The following RIGI variants were observed in gnomAD, a reference collection of about 807,000 sequenced individuals.
RIGI encodes RNA sensor RIG-I.
At chr9:32,461,046 A>G in the RIGI span, among the ~76,000 whole-genome samples, 1 of 3,892 alleles carries the variant, frequency 2.6e-4, no homozygotes, top group Admixed American at 2.3e-3. Flanking sequence ...AGCAGCCAGA[A>G]AAAAAAAAAA....
the RIGI span, among the ~76,000 whole-genome samples, chr9:32,475,619 AAAAG>A: frequency 9.2e-5 from 14 of 152,322 alleles, no homozygotes; most frequent in Admixed American, 3.3e-4. Context: ...AAAGAAAAAA[AAAAG>A]AAAGCATCTC....
chr9:32,499,161 T>G, the RIGI span, among the ~76,000 whole-genome samples: 6 of 151,988 alleles, frequency 3.9e-5, no homozygotes, highest in Non-Finnish European at 7.4e-5. Context: ...CTTTTCATTC[T>G]TCGTATTCAT....
chr9:32,510,207 G>A, the RIGI span, among the ~76,000 whole-genome samples: 3 of 152,080 alleles, frequency 2.0e-5, no homozygotes, highest in African/African-American at 7.2e-5. Flanking sequence ...TAGCAATACA[G>A]GCCAACATTC....
chr9:32,475,143 G>C, the RIGI span, among the ~76,000 whole-genome samples: 29 of 151,986 alleles, frequency 1.9e-4, no homozygotes, highest in African/African-American at 6.8e-4. Flanking sequence ...GTAGAGACAG[G>C]GTTTCACCAT....
the RIGI span, chr9:32,480,307 A>G: frequency 6.2e-7 from 1 of 1,609,886 alleles, no homozygotes; most frequent in South Asian, 1.1e-5. Flanking sequence ...AATCCAGAGC[A>G]TCTTTCATTC....
chr9:32,521,863 T>C, the RIGI span, among the ~76,000 whole-genome samples: 3 of 152,212 alleles, frequency 2.0e-5, no homozygotes, highest in Non-Finnish European at 4.4e-5. Flanking sequence ...AAAAATTTCC[T>C]TGTCAACTGT....
chr9:32,481,689 G>A, the RIGI span, among the ~76,000 whole-genome samples: 1 of 151,976 alleles, frequency 6.6e-6, no homozygotes, highest in African/African-American at 2.4e-5. Context: ...GGATTCAAGC[G>A]ATTCTCCTGC....
chr9:32,490,836 C>A, the RIGI span, among the ~76,000 whole-genome samples: 1 of 152,202 alleles, frequency 6.6e-6, no homozygotes, highest in Non-Finnish European at 1.5e-5. Context: ...ACGACACAGG[C>A]TGGATCTCAG....
chr9:32,486,106 G>A, the RIGI span, among the ~76,000 whole-genome samples: 1 of 152,138 alleles, frequency 6.6e-6, no homozygotes, highest in Non-Finnish European at 1.5e-5. Flanking sequence ...GTGATCTTAA[G>A]GGAGAGAAAT....
At chr9:32,499,314 TTG>T in the RIGI span, among the ~76,000 whole-genome samples, 506 of 58,304 alleles carry the variant, frequency 8.7e-3, 14 homozygotes, top group South Asian at 0.018. Flanking sequence ...AGTTTGTGAT[TTG>T]TTTTTTTTTT....
chr9:32,501,506 A>G, the RIGI span, among the ~76,000 whole-genome samples: 7 of 152,162 alleles, frequency 4.6e-5, no homozygotes, highest in African/African-American at 1.7e-4. Flanking sequence ...ACTTGTCTTG[A>G]AATAGGACAA....
chr9:32,485,788 C>T, the RIGI span, among the ~76,000 whole-genome samples: 1 of 152,068 alleles, frequency 6.6e-6, no homozygotes, highest in South Asian at 2.1e-4. Context: ...ACCCACCCGC[C>T]TTGGCCTCCC....
At chr9:32,492,656 C>T in the RIGI span, 1 of 1,159,792 alleles carries the variant, frequency 8.6e-7, no homozygotes, top group Non-Finnish European at 1.2e-6. Context: ...TACATTACAG[C>T]TCAGTGGGTC....
chr9:32,476,747 T>C, the RIGI span, among the ~76,000 whole-genome samples: 3 of 151,932 alleles, frequency 2.0e-5, no homozygotes, highest in African/African-American at 7.3e-5. Context: ...CCTCTAGCCT[T>C]AGCCTCCCAA....
At chr9:32,507,997 G>C in the RIGI span, among the ~76,000 whole-genome samples, 135 of 151,902 alleles carry the variant, frequency 8.9e-4, 1 homozygote, top group Non-Finnish European at 1.4e-3. Context: ...ATATTTTCTG[G>C]TTAGCTTAAA....
At chr9:32,460,062 T>C in the RIGI span, among the ~76,000 whole-genome samples, 4 of 152,206 alleles carry the variant, frequency 2.6e-5, no homozygotes, top group African/African-American at 9.6e-5. Flanking sequence ...CAGTCTTTCC[T>C]GTGCTATTCT....
chr9:32,508,772 G>A, the RIGI span, among the ~76,000 whole-genome samples: 5 of 152,012 alleles, frequency 3.3e-5, no homozygotes. Context: ...TCCTGGAAAG[G>A]GGGCTGAAGC....
chr9:32,516,808 G>A, the RIGI span, among the ~76,000 whole-genome samples: 8 of 152,098 alleles, frequency 5.3e-5, no homozygotes, highest in Non-Finnish European at 8.8e-5. Context: ...CAGTGGGATC[G>A]GCTTCTCTCA....
the RIGI span, among the ~76,000 whole-genome samples, chr9:32,498,641 G>A: frequency 2.0e-5 from 3 of 152,094 alleles, no homozygotes; most frequent in African/African-American, 7.2e-5. Flanking sequence ...ATAATAAAGA[G>A]TATAACAAGA....
Sources: allele counts gnomAD v4.1 joint callset (sites outside exome capture counted in the v4.1 genomes callset), GRCh38; gene constraint gnomAD v4.1.1; transcripts MANE v1.5; gene names NCBI Gene and HGNC (gene_info 2026-07-23, HGNC 2026-07-21).